UBE2E1: variants seen among roughly 807,000 people sequenced by gnomAD.
The protein encoded by UBE2E1 is ubiquitin conjugating enzyme E2 E1.
In UBE2E1, 6 loss-of-function variants were observed where a neutral mutation model predicts 21.4. The ratio of observed to expected loss-of-function variants is 0.28; its 90% CI spans 0.15 to 0.55. The LOEUF (loss-of-function observed/expected upper bound fraction) is 0.55. Ranked by LOEUF, UBE2E1 falls within the 20% of genes least tolerant of loss-of-function variation. UBE2E1 has a pLI of 0.93. For synonymous variants in UBE2E1, 87 were observed against 82.7 expected (o/e 1.05, Z -0.28); for missense variants, 142 against 236.5 (o/e 0.60, Z 2.62).
At chr3:23,864,965 T>C (rs548252987) in intron 3 of UBE2E1, among the ~76,000 whole-genome samples, 1 of 152,378 alleles carries the variant, frequency 6.6e-6, no homozygotes, top group East Asian at 1.9e-4. Context: ...AGAGACCCTC[T>C]GTTTCAACTT....
chr3:23,839,006 G>GACT lies in UBE2E1; in HGVS notation c.203+27499_203+27501dup, dbSNP rs147546060. ...TAGAATACATCTTTAGCTTATCACA[G>GACT]ACTACGTTCACGTGATAATTATACC... On this transcript the variant is annotated intron_variant, in intron 3 of 5. Coordinates refer to ENST00000306627, the MANE Select transcript of UBE2E1 (RefSeq NM_003341.5). 2.8e-3 allele frequency among the ~76,000 whole-genome samples: 431 copies of GACT among 151,572 alleles called. 10 individuals carry two copies. The East Asian group carries it at 0.044, about 16-fold the overall frequency.
rs1700928645 is a variant in UBE2E1 at position 23,876,977 on chromosome 3, T to G, written c.204-10590T>G. On this transcript the variant is annotated intron_variant, in intron 3 of 5. Coordinates refer to ENST00000306627, the MANE Select transcript of UBE2E1 (RefSeq NM_003341.5). The surrounding 1 kb of genome is among the most constrained non-coding windows in gnomAD (Gnocchi z 4.3). Reference sequence around the variant, plus strand: ...AAGGATCACTTGAGCCAGCTGTGATTGAGCCACTGCACTCCAGCTTGAGCA... The same window carrying G: ...AAGGATCACTTGAGCCAGCTGTGATGGAGCCACTGCACTCCAGCTTGAGCA... Among the ~76,000 whole-genome samples, 1 of 152,212 alleles carries G rather than the reference T, an allele frequency of 6.6e-6. No homozygotes were observed. Among genetic ancestry groups the G allele is most frequent in the Non-Finnish European group, 1.5e-5 (1 of 68,034 alleles).
At position 23,810,461 on chromosome 3, in the gene UBE2E1, G is replaced by C. The variant is rs1699360721; in HGVS notation, c.153-999G>C. On this transcript the variant is annotated intron_variant, in intron 2 of 5. Coordinates refer to ENST00000306627, the MANE Select transcript of UBE2E1 (RefSeq NM_003341.5). This position sits in a 1 kb window ranked among gnomAD's most constrained non-coding sequence, Gnocchi z 5.8. ...GGTCTCCAGTCTATCCCCAGTGTGAGCTAGAGAGCGGACCATGAAGGAAGT... is the reference window on the plus strand; with the variant it reads ...GGTCTCCAGTCTATCCCCAGTGTGACCTAGAGAGCGGACCATGAAGGAAGT... 2 of 1,535,802 alleles carry C rather than the reference G, an allele frequency of 1.3e-6. No individual in the cohort carries two copies. Among genetic ancestry groups the C allele is most frequent in the Non-Finnish European group, 1.7e-6 (2 of 1,146,664 alleles).
At chr3:23,812,471 G>T (rs1053205398) in intron 3 of UBE2E1, among the ~76,000 whole-genome samples, 3 of 152,134 alleles carry the variant, frequency 2.0e-5, no homozygotes, top group Non-Finnish European at 2.9e-5. Context: ...GCTAAATGAA[G>T]TATTTTGTTT....
chr3:23,854,970 G>T (rs1700404420), intron 3 of UBE2E1, among the ~76,000 whole-genome samples: 1 of 152,188 alleles, frequency 6.6e-6, no homozygotes, highest in South Asian at 2.1e-4. Context: ...GACAGGTTAG[G>T]ATTCTCAAGT....
intron 3 of UBE2E1, among the ~76,000 whole-genome samples, chr3:23,872,674 A>G (rs1386534548): frequency 1.3e-5 from 2 of 152,370 alleles, no homozygotes; most frequent in East Asian, 3.9e-4. Context: ...TTAAAATAAC[A>G]AAAAACATAT....
intron 3 of UBE2E1, among the ~76,000 whole-genome samples, chr3:23,874,982 C>CT (rs1700885884): frequency 1.3e-5 from 2 of 152,174 alleles, no homozygotes; most frequent in African/African-American, 4.8e-5. Flanking sequence ...CTCATTCAGC[C>CT]ATCCCTAGTT....
chr3:23,889,851 C>T (rs1701319518), intron 5 of UBE2E1: 1 of 721,308 alleles, frequency 1.4e-6, no homozygotes, highest in Non-Finnish European at 1.7e-6. Context: ...GAGCATGTCA[C>T]TGCACTGCAT....
At chr3:23,852,343 AATTT>A (rs1275112225) in intron 3 of UBE2E1, among the ~76,000 whole-genome samples, 2 of 152,004 alleles carry the variant, frequency 1.3e-5, no homozygotes, top group East Asian at 1.9e-4. Flanking sequence ...GCTTATGTTA[AATTT>A]ATTCTTATGT....
At chr3:23,880,271 T>C (rs1029393427) in intron 3 of UBE2E1, among the ~76,000 whole-genome samples, 3 of 152,164 alleles carry the variant, frequency 2.0e-5, no homozygotes, top group African/African-American at 7.2e-5. Flanking sequence ...TAATCCCAGC[T>C]ACTCAGGAGG....
chr3:23,888,188 G>A (rs1372177735), intron 4 of UBE2E1: 1 of 456,474 alleles, frequency 2.2e-6, no homozygotes, highest in South Asian at 1.6e-5. Flanking sequence ...CAAAGCTTTG[G>A]ATTCTGTTGT....
chr3:23,835,347 G>C (rs1419989854), intron 3 of UBE2E1, among the ~76,000 whole-genome samples: 1 of 151,968 alleles, frequency 6.6e-6, no homozygotes, highest in African/African-American at 2.4e-5. Context: ...GCGCACCTGT[G>C]GTCCTAGCTA....
At chr3:23,832,395 AG>A (rs1051924516) in intron 3 of UBE2E1, among the ~76,000 whole-genome samples, 20 of 152,364 alleles carry the variant, frequency 1.3e-4, no homozygotes, top group Admixed American at 1.2e-3. Flanking sequence ...CTGTAATCCC[AG>A]CACTTTGGGA....
In UBE2E1 at chr3:23,883,383, A is replaced by G. The variant is rs72627052; in HGVS notation, c.204-4184A>G. Among the ~76,000 whole-genome samples, 1,354 of 152,190 alleles carry G rather than the reference A, an allele frequency of 8.9e-3. 19 individuals carry two copies. Among genetic ancestry groups the G allele is most frequent in the South Asian group, 0.055 (264 of 4,818 alleles). On this transcript the variant is annotated intron_variant, in intron 3 of 5. Transcript: ENST00000306627. ...CAAGTAAAGCTGAGTCTTACTCCCT[A>G]TTCTTCTGACACTGGCCTTCTTATA...
rs145056652 is a variant in UBE2E1 at position 23,859,581 on chromosome 3, C to G, written c.204-27986C>G. On this transcript the variant is annotated intron_variant, in intron 3 of 5. Coordinates refer to ENST00000306627, the MANE Select transcript of UBE2E1 (RefSeq NM_003341.5). ...GGCCATGCCATAGCAAATGGAGTGG[C>G]CTTTGTAATACAGAGATTTGAGTCC... is the stretch of plus-strand genomic sequence containing the variant. Among the ~76,000 whole-genome samples, 1,192 of 152,316 alleles carry G rather than the reference C, an allele frequency of 7.8e-3. 14 individuals carry two copies. Among genetic ancestry groups the G allele is most frequent in the African/African-American group, 0.027 (1,121 of 41,564 alleles).
Position 23,842,237 on chromosome 3 carries a change from G to GTGTA in UBE2E1, c.203+30730_203+30731insATGT, listed in dbSNP as rs1041077673. On this transcript the variant is annotated intron_variant, in intron 3 of 5. Coordinates refer to ENST00000306627, the MANE Select transcript of UBE2E1 (RefSeq NM_003341.5). This position sits in a 1 kb window ranked among gnomAD's most constrained non-coding sequence, Gnocchi z 4.6. ...TGTGTGTGTGTGTGTGTGTGTGTGTGTGTGTGTGTGTGGTGTTGTTGTTGT... is the reference window on the plus strand; with the variant it reads ...TGTGTGTGTGTGTGTGTGTGTGTGTGTGTATGTGTGTGTGTGGTGTTGTTGTTGT... Among the ~76,000 whole-genome samples, 5 of 74,426 alleles carry GTGTA rather than the reference G, an allele frequency of 6.7e-5. No individual in the cohort carries two copies. The highest frequency in any genetic ancestry group is 1.5e-4 in the Admixed American group (1 of 6,494). 48.8% of individuals were successfully genotyped at this position (74,426 alleles called of 152,430 possible). A position where few individuals can be genotyped will look rare whatever the true frequency, so the allele number is the denominator to read the frequency against.
intron 3 of UBE2E1, among the ~76,000 whole-genome samples, chr3:23,812,473 AT>A (rs1699416646): frequency 6.6e-6 from 1 of 152,216 alleles, no homozygotes; most frequent in African/African-American, 2.4e-5. Context: ...TAAATGAAGT[AT>A]TTTGTTTAGT....
In UBE2E1 at chr3:23,853,130, TG is replaced by T. The variant is rs1700362049; in HGVS notation, c.204-34436del. ...CTGGTCTCGAACTCCCAACCTCAGG[TG>T]ATCTGCCCACCTTGGCCTCCCAGAG... On this transcript the variant is annotated intron_variant, in intron 3 of 5. Coordinates refer to ENST00000306627, the MANE Select transcript of UBE2E1 (RefSeq NM_003341.5). The surrounding 1 kb of genome is among the most constrained non-coding windows in gnomAD (Gnocchi z 4.1). 1.3e-5 allele frequency among the ~76,000 whole-genome samples: 2 copies of T among 152,172 alleles called. No individual in the cohort carries two copies.
intron 3 of UBE2E1, among the ~76,000 whole-genome samples, chr3:23,837,244 T>C (rs542326850): frequency 1.3e-5 from 2 of 152,196 alleles, no homozygotes; most frequent in Non-Finnish European, 2.9e-5. Context: ...GGTGAGGAAG[T>C]TGAAACATAA....
Sources: gnomAD v4.1 joint callset for allele counts (sites outside exome capture counted in the v4.1 genomes callset) on GRCh38, gnomAD v4.1.1 for gene constraint, Gnocchi (gnomAD v3.1) non-coding constraint, MANE v1.5 for transcripts, NCBI Gene and HGNC (gene_info 2026-07-23, HGNC 2026-07-21) for gene names.